The following AKAP19 variants were observed in gnomAD, a reference collection of about 807,000 sequenced individuals.
AKAP19 encodes A-kinase anchoring protein 19.
the AKAP19 span, among the ~76,000 whole-genome samples, chr2:189,929,137 A>G: frequency 6.6e-6 from 1 of 152,188 alleles, no homozygotes; most frequent in African/African-American, 2.4e-5. Context: ...TGTGAAACAC[A>G]CTTTTTGCTT....
chr2:189,980,495 C>T, the AKAP19 span, among the ~76,000 whole-genome samples: 1 of 152,058 alleles, frequency 6.6e-6, no homozygotes, highest in Admixed American at 6.6e-5. Flanking sequence ...CCACCATGCC[C>T]AGTTAGTTTT....
At chr2:190,069,170 G>GTC in the AKAP19 span, among the ~76,000 whole-genome samples, 18 of 146,452 alleles carry the variant, frequency 1.2e-4, no homozygotes, top group East Asian at 9.9e-4. Flanking sequence ...GTGTGTGTGT[G>GTC]TGTGTGAGAG....
the AKAP19 span, among the ~76,000 whole-genome samples, chr2:190,087,454 A>C: frequency 1.1e-3 from 161 of 152,328 alleles, no homozygotes; most frequent in African/African-American, 3.8e-3. Context: ...AGGATTGGCC[A>C]TACTCTTTAC....
At chr2:189,906,517 C>T in the AKAP19 span, among the ~76,000 whole-genome samples, 1 of 152,040 alleles carries the variant, frequency 6.6e-6, no homozygotes, top group African/African-American at 2.4e-5. Flanking sequence ...GAATTTCTCT[C>T]TAGAATTTAC....
At chr2:190,114,265 A>T in the AKAP19 span, among the ~76,000 whole-genome samples, 2 of 152,344 alleles carry the variant, frequency 1.3e-5, no homozygotes, top group South Asian at 2.1e-4. Context: ...TTTAGACAAT[A>T]AGAAAGTCTA....
chr2:190,133,235 CAAAAAAAAAAAAAAAA>C, the AKAP19 span, among the ~76,000 whole-genome samples: 3 of 58,106 alleles, frequency 5.2e-5, 1 homozygote, highest in African/African-American at 2.4e-4. Context: ...GAGACTCTGC[CAAAAAAAAAAAAAAAA>C]AAAAAAAAAA....
the AKAP19 span, among the ~76,000 whole-genome samples, chr2:190,094,047 C>A: frequency 1.3e-5 from 2 of 152,300 alleles, no homozygotes; most frequent in South Asian, 2.1e-4. Flanking sequence ...GCCCCACACC[C>A]CTGCAAGAGT....
chr2:190,011,710 T>G, the AKAP19 span, among the ~76,000 whole-genome samples: 1 of 152,206 alleles, frequency 6.6e-6, no homozygotes, highest in Non-Finnish European at 1.5e-5. Flanking sequence ...TTATGTATTC[T>G]TGGCACCTTT....
At chr2:190,179,716 A>G in the AKAP19 span, among the ~76,000 whole-genome samples, 1 of 152,152 alleles carries the variant, frequency 6.6e-6, no homozygotes. This position sits in a 1 kb window ranked among gnomAD's most constrained non-coding sequence, Gnocchi z 6.0. Flanking sequence ...GCTAAGTCTC[A>G]GTTTATAGAT....
At chr2:190,170,095 G>A in the AKAP19 span, among the ~76,000 whole-genome samples, 1 of 152,214 alleles carries the variant, frequency 6.6e-6, no homozygotes, top group Non-Finnish European at 1.5e-5. Flanking sequence ...GGGAAGTCGA[G>A]ATCATGGGCG....
At chr2:189,954,126 T>C in the AKAP19 span, among the ~76,000 whole-genome samples, 2 of 152,152 alleles carry the variant, frequency 1.3e-5, no homozygotes, top group African/African-American at 4.8e-5. Flanking sequence ...ACAATCCAGA[T>C]CAGGTATTTC....
At chr2:190,159,161 A>G in the AKAP19 span, among the ~76,000 whole-genome samples, 1 of 152,194 alleles carries the variant, frequency 6.6e-6, no homozygotes, top group Admixed American at 6.5e-5. Flanking sequence ...AGTTATGATT[A>G]GTAGCGACTG....
chr2:189,950,027 G>GATTT, the AKAP19 span, among the ~76,000 whole-genome samples: 6 of 34,994 alleles, frequency 1.7e-4, no homozygotes, highest in Admixed American at 2.4e-3. Flanking sequence ...TTTGGTTTTG[G>GATTT]GTTTTTTTTT....
chr2:189,999,234 T>G, the AKAP19 span, among the ~76,000 whole-genome samples: 1 of 152,220 alleles, frequency 6.6e-6, no homozygotes, highest in African/African-American at 2.4e-5. Flanking sequence ...GAAATTTACC[T>G]GTAAGCACTG....
the AKAP19 span, among the ~76,000 whole-genome samples, chr2:190,017,301 A>G: frequency 1.3e-5 from 2 of 152,046 alleles, no homozygotes; most frequent in Non-Finnish European, 2.9e-5. Flanking sequence ...GTAATGGCAT[A>G]CTACTGCTAT....
chr2:189,965,848 CAT>C, the AKAP19 span, among the ~76,000 whole-genome samples: 5 of 152,126 alleles, frequency 3.3e-5, no homozygotes, highest in Non-Finnish European at 7.4e-5. Flanking sequence ...CTTGAACACA[CAT>C]GTTTATAGAA....
the AKAP19 span, among the ~76,000 whole-genome samples, chr2:189,959,562 C>T: frequency 6.6e-6 from 1 of 152,008 alleles, no homozygotes; most frequent in Non-Finnish European, 1.5e-5. Context: ...TGATATTTTT[C>T]AAAAGTAAGT....
chr2:190,174,312 C>T, the AKAP19 span, among the ~76,000 whole-genome samples: 1 of 152,174 alleles, frequency 6.6e-6, no homozygotes, highest in Non-Finnish European at 1.5e-5. Flanking sequence ...GCATTTACTT[C>T]CAACACTGCC....
At chr2:190,143,504 G>A in the AKAP19 span, among the ~76,000 whole-genome samples, 16 of 152,162 alleles carry the variant, frequency 1.1e-4, no homozygotes, top group African/African-American at 3.9e-4. Flanking sequence ...TGGTGTTCTT[G>A]TGCCTTATCA....
Sources: allele counts gnomAD v4.1 joint callset (sites outside exome capture counted in the v4.1 genomes callset), GRCh38; gene constraint gnomAD v4.1.1; non-coding constraint Gnocchi (gnomAD v3.1); transcripts MANE v1.5; gene names NCBI Gene and HGNC (gene_info 2026-07-23, HGNC 2026-07-21).